Variants in SULF2 observed in about 807,000 individuals in gnomAD.
SULF2 encodes the protein sulfatase 2.
SULF2 carries 52 observed loss-of-function variants against 107.7 expected under a neutral mutation model. The ratio of observed to expected loss-of-function variants is 0.48; its 90% CI spans 0.39 to 0.61. The LOEUF (loss-of-function observed/expected upper bound fraction) is 0.61. SULF2 is among the 20% of genes least tolerant of loss of function. SULF2 has a pLI of 0.00. For missense variants in SULF2, 993 were observed against 1,177.3 expected, an observed-to-expected ratio of 0.84 and a Z score of 2.29; for synonymous variants, 460 against 464.3, an observed-to-expected ratio of 0.99 and a Z score of 0.12.
chr20:47,776,098 C>T (rs537410287), intron 1 of SULF2, among the ~76,000 whole-genome samples: 1 of 152,246 alleles, frequency 6.6e-6, no homozygotes, highest in Non-Finnish European at 1.5e-5. Context: ...TATTGCTCCA[C>T]AATGAGAAAA....
intron 7 of SULF2, among the ~76,000 whole-genome samples, chr20:47,681,681 C>T (rs1191055713): frequency 6.6e-6 from 1 of 152,166 alleles, no homozygotes; most frequent in Non-Finnish European, 1.5e-5. Flanking sequence ...AGTTGTGATG[C>T]TGAAACGAAT....
Position 47,661,755 on chromosome 20 carries a change from G to A in SULF2, c.2494+18C>T, listed in dbSNP as rs755334364. On this transcript the variant is annotated intron_variant, in intron 18 of 20. Coordinates refer to ENST00000688720, the MANE Select transcript of SULF2 (RefSeq NM_001387048.1). ...TTACCCTGCTGTCCAAGGGCCCCAC[G>A]TTGGGGTGCCTACTCACCCAGGTCC... 9.9e-6 allele frequency: 15 copies of A among 1,519,438 alleles called. No homozygotes were observed. The highest frequency in any genetic ancestry group is 2.2e-4 in the Middle Eastern group (1 of 4,576). The allele number at this position is 1,519,438 out of a possible 1,614,324, so 94.1% of individuals were successfully genotyped here. A position where few individuals can be genotyped will look rare whatever the true frequency, so the allele number is the denominator to read the frequency against.
intron 5 of SULF2, among the ~76,000 whole-genome samples, chr20:47,686,716 G>T (rs1440776864): frequency 6.6e-6 from 1 of 152,214 alleles, no homozygotes; most frequent in Non-Finnish European, 1.5e-5. Context: ...TGACGCTGCC[G>T]CTGGGGTAGC....
At chr20:47,739,952 G>A (rs1334384504) in intron 2 of SULF2, among the ~76,000 whole-genome samples, 5 of 152,052 alleles carry the variant, frequency 3.3e-5, no homozygotes, top group African/African-American at 9.7e-5. Flanking sequence ...ACACTCCCCC[G>A]TGCTCCCTAC....
rs954422591 is a variant in SULF2 at position 47,680,215 on chromosome 20, A to G, written c.1065-1411T>C. On this transcript the variant is annotated intron_variant, in intron 7 of 20. Coordinates refer to ENST00000688720, the MANE Select transcript of SULF2 (RefSeq NM_001387048.1). This position sits in a 1 kb window ranked among gnomAD's most constrained non-coding sequence, Gnocchi z 4.2. ...CACCTCCTGGGTTCAAGCGATTCTC[A>G]TGCCTCAGCCTCCCGAGTAGCTGGG... Among the ~76,000 whole-genome samples the G allele has an allele frequency of 6.6e-6, 1 of 152,182 alleles. No homozygotes were observed. Among genetic ancestry groups the G allele is most frequent in the African/African-American group, 2.4e-5 (1 of 41,456 alleles).
intron 3 of SULF2, 81 bp from the exon 4 acceptor site, chr20:47,702,751 A>G: frequency 3.6e-6 from 5 of 1,391,766 alleles, no homozygotes; most frequent in East Asian, 4.7e-5. Context: ...CCGAGGCCTG[A>G]GCATGCACAC....
At chr20:47,755,480 C>A (rs1191437639) in intron 2 of SULF2, among the ~76,000 whole-genome samples, 1 of 152,186 alleles carries the variant, frequency 6.6e-6, no homozygotes, top group Non-Finnish European at 1.5e-5. Context: ...GGGTATTCAG[C>A]CACTCACCTG....
intron 2 of SULF2, among the ~76,000 whole-genome samples, chr20:47,750,059 G>A (rs2090128103): frequency 6.6e-6 from 1 of 152,208 alleles, no homozygotes. Context: ...TCAGCTCACT[G>A]CAACCTCCGC....
intron 3 of SULF2, among the ~76,000 whole-genome samples, chr20:47,722,454 GTCTC>G (rs1386167624): frequency 6.6e-6 from 1 of 151,924 alleles, no homozygotes; most frequent in Non-Finnish European, 1.5e-5. Context: ...TAGAGACAGG[GTCTC>G]TCTATGTTGC....
At chr20:47,659,278 AC>A (rs2086990442) in intron 20 of SULF2, 120 bp downstream of exon 20, 1 of 844,848 alleles carries the variant, frequency 1.2e-6, no homozygotes, top group South Asian at 1.4e-5. Context: ...CTTCCCCCCC[AC>A]CCTCATCATG....
chr20:47,750,530 G>A (rs1359419279), intron 2 of SULF2, among the ~76,000 whole-genome samples: 5 of 152,158 alleles, frequency 3.3e-5, no homozygotes, highest in Non-Finnish European at 7.3e-5. Context: ...CTCATGCGTG[G>A]ACTGTTGCAG....
In SULF2 at chr20:47,758,307, T is replaced by C. The variant is rs186485480; in HGVS notation, c.-100-844A>G. Among the ~76,000 whole-genome samples, 655 of 151,936 alleles carry C rather than the reference T, an allele frequency of 4.3e-3. 4 individuals carry two copies. The highest frequency in any genetic ancestry group is 0.015 in the African/African-American group (614 of 41,426). ...GCCTCAGCCTCTAGAGAAGCTGGGA[T>C]TACAGGCGCCTGCCACCACGCCCGG... On this transcript the variant is annotated intron_variant, in intron 1 of 20. Transcript: ENST00000688720.
intron 1 of SULF2, among the ~76,000 whole-genome samples, chr20:47,765,603 TCTTC>T (rs747081968): frequency 1.3e-5 from 2 of 152,176 alleles, no homozygotes; most frequent in Non-Finnish European, 2.9e-5. Context: ...ATCATTTCTC[TCTTC>T]CTTCATTTAC....
At chr20:47,739,038 C>A (rs1288672049) in intron 2 of SULF2, among the ~76,000 whole-genome samples, 1 of 152,110 alleles carries the variant, frequency 6.6e-6, no homozygotes. Flanking sequence ...AGCCAAGGAA[C>A]AAGGAACTCC....
intron 2 of SULF2, among the ~76,000 whole-genome samples, chr20:47,755,807 AG>A (rs2146898476): frequency 6.6e-6 from 1 of 152,194 alleles, no homozygotes; most frequent in East Asian, 1.9e-4. Context: ...TCAAACTCAA[AG>A]CCCCCACCAT....
chr20:47,679,377 G>A lies in SULF2; in HGVS notation c.1065-573C>T, dbSNP rs545281540. Among the ~76,000 whole-genome samples the A allele has an allele frequency of 9.9e-5, 15 of 152,256 alleles. No individual in the cohort carries two copies. In the South Asian group the frequency reaches 3.1e-3, roughly 32 times the overall value. On this transcript the variant is annotated intron_variant, in intron 7 of 20. Coordinates refer to ENST00000688720, the MANE Select transcript of SULF2 (RefSeq NM_001387048.1). ...CTGTCCCTGGTGATCACACCTTAAT[G>A]TGACCCCCTCACCTTGGGTGTGGAC...
At chr20:47,762,974 A>G (rs1444598218) in intron 1 of SULF2, among the ~76,000 whole-genome samples, 3 of 152,222 alleles carry the variant, frequency 2.0e-5, no homozygotes, top group Non-Finnish European at 2.9e-5. Context: ...TCGTGGCCTC[A>G]TGCCAGTTTC....
At chr20:47,726,805 T>C (rs952071754) in intron 3 of SULF2, among the ~76,000 whole-genome samples, 2 of 152,214 alleles carry the variant, frequency 1.3e-5, no homozygotes, top group Non-Finnish European at 2.9e-5. Flanking sequence ...CGGAAGCCTC[T>C]TGAGGCCCAG....
upstream of SULF2, among the ~76,000 whole-genome samples, chr20:47,785,650 C>T (rs1436539390): frequency 1.4e-5 from 2 of 146,514 alleles, no homozygotes. Flanking sequence ...CACGCTGCCC[C>T]AGCCAGCCCC....
Sources: allele counts gnomAD v4.1 joint callset (sites outside exome capture counted in the v4.1 genomes callset), GRCh38; gene constraint gnomAD v4.1.1; non-coding constraint Gnocchi (gnomAD v3.1); transcripts MANE v1.5; gene names NCBI Gene and HGNC (gene_info 2026-07-23, HGNC 2026-07-21).